Variants in UNC13C observed in about 807,000 individuals in gnomAD.
The protein encoded by UNC13C is protein unc-13 homolog C.
A neutral mutation model predicts 245.4 loss-of-function variants in UNC13C; 174 were observed. The observed-to-expected ratio is 0.71, with a 90% CI of 0.63 to 0.80. UNC13C has a LOEUF of 0.80. Among genes scored for constraint, UNC13C ranks in the 30% least tolerant of loss-of-function variants. The probability of loss-of-function intolerance (pLI) is 0.00; values close to 1 mark genes in which losing one functional copy is unlikely to be tolerated. For synonymous variants in UNC13C, 992 were observed against 895.1 expected (o/e 1.11, Z -1.93); for missense variants, 2,829 against 2,602.9 (o/e 1.09, Z -1.89).
chr15:54,079,586 T>C (rs1397664672), intron 2 of UNC13C, among the ~76,000 whole-genome samples: 1 of 152,018 alleles, frequency 6.6e-6, no homozygotes, highest in Admixed American at 6.6e-5. Flanking sequence ...ATAAATGGGA[T>C]TGAGTTTTTC....
intron 30 of UNC13C, among the ~76,000 whole-genome samples, chr15:54,598,765 G>T (rs999055377): frequency 5.3e-5 from 8 of 152,068 alleles, no homozygotes; most frequent in Admixed American, 1.3e-4. Context: ...GAAGCAAAAA[G>T]ATTAAGCTCT....
At chr15:54,208,311 C>T (rs527696940) in intron 4 of UNC13C, among the ~76,000 whole-genome samples, 21 of 152,086 alleles carry the variant, frequency 1.4e-4, no homozygotes, top group Admixed American at 5.2e-4. Flanking sequence ...CTGGAGATTA[C>T]GTTTCACCAT....
chr15:53,993,409 A>T (rs1302969582), intron 1 of UNC13C, among the ~76,000 whole-genome samples: 1 of 152,134 alleles, frequency 6.6e-6, no homozygotes. Context: ...GAGTGAGTCA[A>T]CTATGAACTC....
At chr15:54,156,381 A>C (rs1048821706) in intron 4 of UNC13C, among the ~76,000 whole-genome samples, 38 of 152,216 alleles carry the variant, frequency 2.5e-4, no homozygotes, top group African/African-American at 8.7e-4. Flanking sequence ...AGAAGCCATC[A>C]CTGCTGAGAA....
chr15:54,049,485 C>T, intron 2 of UNC13C: 1 of 351,396 alleles, frequency 2.8e-6, no homozygotes, highest in East Asian at 8.5e-5. Context: ...GTGCAGAGTT[C>T]AAAGATACTT....
intron 10 of UNC13C, among the ~76,000 whole-genome samples, chr15:54,293,142 C>T (rs567464827): frequency 6.6e-6 from 1 of 151,778 alleles, no homozygotes; most frequent in African/African-American, 2.4e-5. Context: ...TTGATTGCAA[C>T]TAAATGGTTC....
At chr15:54,027,929 C>T (rs1377671743) in intron 2 of UNC13C, among the ~76,000 whole-genome samples, 2 of 152,176 alleles carry the variant, frequency 1.3e-5, no homozygotes, top group Admixed American at 6.5e-5. Flanking sequence ...CTTCCCACCC[C>T]TATCAGCCAT....
intron 19 of UNC13C, among the ~76,000 whole-genome samples, chr15:54,459,651 C>G (rs1891731179): frequency 6.6e-6 from 1 of 152,016 alleles, no homozygotes; most frequent in Non-Finnish European, 1.5e-5. Context: ...TCTTTGAGTT[C>G]TGAAGTTCAT....
chr15:54,333,316 TA>T (rs1159354139), intron 15 of UNC13C, among the ~76,000 whole-genome samples: 1 of 152,090 alleles, frequency 6.6e-6, no homozygotes, highest in Non-Finnish European at 1.5e-5. Context: ...GATGCAAACT[TA>T]TTTTTTTAAC....
chr15:54,406,497 G>A (rs182907251), intron 18 of UNC13C, among the ~76,000 whole-genome samples: 189 of 152,246 alleles, frequency 1.2e-3, no homozygotes, highest in Admixed American at 5.5e-3. Flanking sequence ...ATTTGCCAAG[G>A]TGCCATATTT....
intron 28 of UNC13C, among the ~76,000 whole-genome samples, chr15:54,554,179 A>T (rs1896995468): frequency 6.6e-6 from 1 of 152,052 alleles, no homozygotes; most frequent in Non-Finnish European, 1.5e-5. Context: ...CTGAGTGCCT[A>T]GCAGATAACA....
At chr15:54,117,212 C>T (rs548772678) in intron 2 of UNC13C, among the ~76,000 whole-genome samples, 3 of 152,180 alleles carry the variant, frequency 2.0e-5, no homozygotes, top group African/African-American at 7.2e-5. Flanking sequence ...ATATTTTCTT[C>T]CATTCCGTGG....
chr15:54,096,457 C>G (rs1356441705), intron 2 of UNC13C, among the ~76,000 whole-genome samples: 2 of 152,060 alleles, frequency 1.3e-5, no homozygotes, highest in African/African-American at 4.8e-5. Context: ...TGCCAATTTT[C>G]TTTTCCCCTT....
intron 30 of UNC13C, among the ~76,000 whole-genome samples, chr15:54,594,446 T>TG (rs527361671): frequency 1.3e-5 from 2 of 151,760 alleles, no homozygotes; most frequent in East Asian, 3.9e-4. Flanking sequence ...GATCATCAGG[T>TG]GGGGGCAGGG....
rs1164016477 is a variant in UNC13C, at chr15:54,526,740, G to GAAA, written c.5546+1125_5546+1127dup. ...GCCTGGGCAACAGAGACTCCGTCTAGAAAAAAAAAAAAAAAAAAAAAAAAG... is the reference window on the plus strand; with the variant it reads ...GCCTGGGCAACAGAGACTCCGTCTAGAAAAAAAAAAAAAAAAAAAAAAAAAAAG... On this transcript the variant is annotated intron_variant, in intron 25 of 32. Transcript: ENST00000260323. Among the ~76,000 whole-genome samples, 66 of 63,088 alleles carry GAAA rather than the reference G, an allele frequency of 1.0e-3. 1 individual carries two copies. The highest frequency in any genetic ancestry group is 2.6e-3 in the African/African-American group (43 of 16,448). The allele number at this position is 63,088 out of a possible 152,430, so 41.4% of individuals were successfully genotyped here.
At chr15:54,581,904 G>A (rs913078031) in intron 30 of UNC13C, among the ~76,000 whole-genome samples, 6 of 152,146 alleles carry the variant, frequency 3.9e-5, no homozygotes, top group African/African-American at 1.4e-4. Flanking sequence ...ATCAGAACTT[G>A]GAGAATTTTG....
chr15:53,960,901 T>C, the UNC13C span, among the ~76,000 whole-genome samples: 7 of 152,230 alleles, frequency 4.6e-5, no homozygotes. Flanking sequence ...CAAAATATAA[T>C]GAAGTATTAT....
downstream of UNC13C, chr15:54,628,679 C>CTCTT (rs1212515985): frequency 1.3e-5 from 2 of 152,342 alleles, no homozygotes; most frequent in Non-Finnish European, 2.9e-5. Context: ...AAACTCCAGG[C>CTCTT]TCTTTTGACC....
chr15:53,918,307 G>A, the UNC13C span, among the ~76,000 whole-genome samples: 11 of 150,704 alleles, frequency 7.3e-5, no homozygotes, highest in East Asian at 8.0e-4. Flanking sequence ...ATTTGGCCTC[G>A]AGCCCAGTTT....
Sources: allele counts gnomAD v4.1 joint callset (sites outside exome capture counted in the v4.1 genomes callset), GRCh38; gene constraint gnomAD v4.1.1; transcripts MANE v1.5; gene names NCBI Gene and HGNC (gene_info 2026-07-23, HGNC 2026-07-21).